Variants in DYSF observed in about 807,000 individuals in gnomAD.
The protein encoded by DYSF is dysferlin, also known as dystrophy-associated fer-1-like 1.
Under a neutral mutation model 274.9 loss-of-function variants are expected in DYSF, and 212 were observed. The ratio of observed to expected loss-of-function variants is 0.77; its 90% CI spans 0.69 to 0.86. The LOEUF (loss-of-function observed/expected upper bound fraction) is 0.86, where lower values mean the gene tolerates loss of function less well. DYSF is among the 40% of genes least tolerant of loss of function. The probability of loss-of-function intolerance (pLI) is 0.00; values close to 1 mark genes in which losing one functional copy is unlikely to be tolerated. For missense variants in DYSF, 2,666 were observed against 2,783.2 expected (o/e 0.96, Z 0.95); for synonymous variants, 1,091 against 1,078.7 (o/e 1.01, Z -0.22).
At chr2:71,505,679 C>A (rs767357768) in intron 4 of DYSF, among the ~76,000 whole-genome samples, 5 of 152,226 alleles carry the variant, frequency 3.3e-5, no homozygotes, top group African/African-American at 4.8e-5. Flanking sequence ...AACACTCCCC[C>A]AGTCCTGGAG....
At chr2:71,682,458 G>A (rs1054038113) in intron 54 of DYSF, 72 bp from the exon 55 acceptor site, 3 of 1,604,852 alleles carry the variant, frequency 1.9e-6, no homozygotes, top group Non-Finnish European at 1.7e-6. Context: ...TGGACCTGCT[G>A]TTGAGAGAAG....
rs755541995 is a variant in DYSF, at chr2:71,513,886, A to C, written c.724A>C (p.Arg242=). ...IKRKRSAPTS[R]KLLSDKPQDF... ...AAGAAAGCGAAGTGCGCCTACATCT[A>C]GAAAGCTGCTGTCAGACAAACCGCA... The change falls in exon 7 of 56, where the codon AGA becomes CGA. Residue 242 remains arginine, a synonymous_variant. Coordinates refer to ENST00000410020, the MANE Select transcript of DYSF (RefSeq NM_001130987.2). The C allele has an allele frequency of 4.3e-6, 7 of 1,614,110 alleles. No individual in the cohort carries two copies. Among genetic ancestry groups the C allele is most frequent in the Non-Finnish European group, 5.9e-6 (7 of 1,180,058 alleles).
At chr2:71,668,536 G>T (rs562708064) in intron 48 of DYSF, among the ~76,000 whole-genome samples, 1 of 152,296 alleles carries the variant, frequency 6.6e-6, no homozygotes, top group African/African-American at 2.4e-5. Flanking sequence ...AGCCCACCCT[G>T]ACCCTTGACC....
chr2:71,669,015 C>G, intron 49 of DYSF, 97 bp from the exon 50 acceptor site: 1 of 1,313,724 alleles, frequency 7.6e-7, no homozygotes, highest in Non-Finnish European at 1.1e-6. Flanking sequence ...GCATCGAGTC[C>G]TCTTGGACCA....
intron 53 of DYSF, 103 bp downstream of exon 53, chr2:71,679,338 C>T: frequency 8.5e-7 from 1 of 1,172,008 alleles, no homozygotes; most frequent in Non-Finnish European, 1.2e-6. Flanking sequence ...TACTGTTCCT[C>T]CTCCTTTCTC....
intron 36 of DYSF, among the ~76,000 whole-genome samples, chr2:71,606,128 T>A (rs4852263): frequency 0.53 from 80,158 of 151,954 alleles, 21,564 homozygotes; most frequent in East Asian, 0.75. Context: ...GGGCTGGGGG[T>A]GCCCCTTTCA....
In DYSF at chr2:71,613,410, G is replaced by A; in HGVS notation, c.4464G>A (p.Gln1488=). ...ACAAGGAGCCCCTCATCCCCATCCA[G>A]GTAGGATGGGCATCCTCCAGGGAGG... The part of the protein sequence containing the change: ...IDDKEPLIPI[Q]LADGLSSLAP... Residue 1488 remains glutamine, a splice_region_variant and synonymous_variant, in exon 40 of 56, where the codon CAG becomes CAA. Transcript: ENST00000410020. The A allele has an allele frequency of 1.2e-6, 2 of 1,611,530 alleles. No individual in the cohort carries two copies. Among genetic ancestry groups the A allele is most frequent in the Non-Finnish European group, 1.7e-6 (2 of 1,178,698 alleles).
At chr2:71,457,369 A>G (rs1276235301) in intron 1 of DYSF, among the ~76,000 whole-genome samples, 2 of 152,230 alleles carry the variant, frequency 1.3e-5, no homozygotes, top group Admixed American at 6.5e-5. Context: ...ACTGGTAAGT[A>G]GTGGGGTTAT....
At position 71,503,228 on chromosome 2, in the gene DYSF, C is replaced by A. The variant is rs772008300; in HGVS notation, c.254C>A (p.Ala85Asp). 6.2e-7 allele frequency: 1 copy of A among 1,614,002 alleles called. No individual in the cohort carries two copies. Among genetic ancestry groups the A allele is most frequent in the Admixed American group, 1.7e-5 (1 of 60,014 alleles). ...TCTCCTCTCAGGTTCCTGGGGGAAG[C>A]CAAGGTCCCACTCCGAGAGGTCCTC... ...TMGRNRFLGE[A>D]KVPLREVLAT... Residue 85 changes from alanine (A) to aspartate (D), a missense_variant, in exon 4 of 56, where the codon GCC becomes GAC. Physicochemically the swap from Ala to Asp is moderately radical, Grantham distance 126. This residue lies in a region of DYSF where 794 missense variants were observed against 777.1 expected (regional missense o/e 1.02). Coordinates refer to ENST00000410020, the MANE Select transcript of DYSF (RefSeq NM_001130987.2).
At chr2:71,594,406 C>A (rs1046620319) in intron 32 of DYSF, among the ~76,000 whole-genome samples, 1 of 152,138 alleles carries the variant, frequency 6.6e-6, no homozygotes, top group Non-Finnish European at 1.5e-5. Context: ...CTGCACGCTT[C>A]GGGATTTACA....
chr2:71,564,307 T>A (rs1389420974), intron 24 of DYSF, 94 bp downstream of exon 24: 1 of 1,526,620 alleles, frequency 6.6e-7, no homozygotes. Flanking sequence ...TCTTGACCTA[T>A]CTTAGTTCTT....
intron 3 of DYSF, among the ~76,000 whole-genome samples, chr2:71,494,966 A>G (rs4852261): frequency 0.87 from 132,789 of 152,236 alleles, 58,107 homozygotes; most frequent in East Asian, 1. Context: ...ATGGTCTAAT[A>G]TGGTGCTGAC....
chr2:71,683,346 G>T (rs1011336508), intron 55 of DYSF, among the ~76,000 whole-genome samples: 2 of 152,138 alleles, frequency 1.3e-5, no homozygotes, highest in African/African-American at 4.8e-5. Flanking sequence ...TGCTCTGTGG[G>T]GCCCTGCCTG....
rs1338491069 is a variant in DYSF at position 71,668,740 on chromosome 2, C to T, written c.5458-14C>T. 6 of 1,612,528 alleles carry T rather than the reference C, an allele frequency of 3.7e-6. No individual in the cohort carries two copies. The highest frequency in any genetic ancestry group is 3.3e-5 in the South Asian group (3 of 90,758). On this transcript the variant is annotated splice_polypyrimidine_tract_variant and intron_variant, in intron 48 of 55. Coordinates refer to ENST00000410020, the MANE Select transcript of DYSF (RefSeq NM_001130987.2). ...ATGAGAAGGGTGGGGAGAGAACGGACCCTGTCTCCGCAGGGGAAGCTGCAG... is the reference window on the plus strand; with the variant it reads ...ATGAGAAGGGTGGGGAGAGAACGGATCCTGTCTCCGCAGGGGAAGCTGCAG...
chr2:71,621,404 T>A (rs1477667240), intron 41 of DYSF, among the ~76,000 whole-genome samples: 1 of 152,100 alleles, frequency 6.6e-6, no homozygotes, highest in Non-Finnish European at 1.5e-5. Context: ...AAATAAAATA[T>A]GGAAAACACA....
rs1393147629 is a variant in DYSF at position 71,669,663 on chromosome 2, G to A, written c.5701G>A (p.Gly1901Arg). 1 of 1,614,174 alleles carries A rather than the reference G, an allele frequency of 6.2e-7. No homozygotes were observed. The highest frequency in any genetic ancestry group is 1.1e-5 in the South Asian group (1 of 91,080). Residue 1901 changes from glycine (G) to arginine (R), a missense_variant, in exon 51 of 56, where the codon GGA becomes AGA. Around this residue, in one of 3 missense-constraint regions of DYSF, gnomAD observed 1,460 missense variants for 1,502.1 expected, o/e 0.97. Transcript: ENST00000410020. Reference protein sequence around the residue: ...QKTDVHYRSLGGEGNFNWRFI... With the variant: ...QKTDVHYRSLRGEGNFNWRFI... ...GACAGACGTGCATTATCGTTCCCTG[G>A]GAGGTGAAGGCAACTTCAACTGGAG...
At chr2:71,667,332 G>A (rs779750270) in intron 47 of DYSF, 44 bp from the exon 48 acceptor site, 26 of 1,613,308 alleles carry the variant, frequency 1.6e-5, no homozygotes, top group South Asian at 3.3e-5. Context: ...ATTATCTCTC[G>A]CTTCCCCAGC....
intron 3 of DYSF, among the ~76,000 whole-genome samples, chr2:71,492,497 C>A (rs998098484): frequency 6.6e-6 from 1 of 152,078 alleles, no homozygotes; most frequent in African/African-American, 2.4e-5. Flanking sequence ...AATTGGCATG[C>A]GCTTTTCTTC....
At chr2:71,578,478 G>A (rs2092785899) in intron 30 of DYSF, among the ~76,000 whole-genome samples, 1 of 152,178 alleles carries the variant, frequency 6.6e-6, no homozygotes, top group African/African-American at 2.4e-5. Flanking sequence ...GGGAACTCCT[G>A]TCTGATCAAG....
Sources: gnomAD v4.1 joint callset for allele counts (sites outside exome capture counted in the v4.1 genomes callset) on GRCh38, gnomAD v4.1.1 for gene constraint, gnomAD v4.1.1 regional missense constraint, MANE v1.5 for transcripts, NCBI Gene and HGNC (gene_info 2026-07-23, HGNC 2026-07-21) for gene names.